The following SKAP1 variants were observed in gnomAD, a reference collection of about 807,000 sequenced individuals.
SKAP1 encodes the protein src kinase associated phosphoprotein 1.
Under a neutral mutation model 58.5 loss-of-function variants are expected in SKAP1, and 44 were observed. The observed-to-expected ratio is 0.75, with a 90% confidence interval of 0.59 to 0.97. SKAP1 has a LOEUF of 0.97. SKAP1 is among the 50% of genes least tolerant of loss of function. The pLI is 0.00. For synonymous variants in SKAP1, 127 were observed against 149.7 expected, an observed-to-expected ratio of 0.85 and a Z score of 1.11; for missense variants, 390 against 435.2, an observed-to-expected ratio of 0.90 and a Z score of 0.92.
intron 11 of SKAP1, among the ~76,000 whole-genome samples, chr17:48,147,643 C>T (rs754706527): frequency 3.9e-5 from 6 of 152,014 alleles, no homozygotes; most frequent in Non-Finnish European, 7.4e-5. Context: ...GTTGGGTGGC[C>T]GGTGGGTTAG....
At chr17:48,293,133 G>A (rs1415334589) in intron 4 of SKAP1, among the ~76,000 whole-genome samples, 1 of 152,114 alleles carries the variant, frequency 6.6e-6, no homozygotes, top group Non-Finnish European at 1.5e-5. Flanking sequence ...ATTAATATCT[G>A]TAATCCTTAA....
At chr17:48,360,707 T>C (rs2066924863) in intron 3 of SKAP1, among the ~76,000 whole-genome samples, 2 of 152,218 alleles carry the variant, frequency 1.3e-5, no homozygotes, top group Non-Finnish European at 1.5e-5. Context: ...TAATGTATTC[T>C]TTGGATCATG....
chr17:48,153,701 A>C (rs2063932474), intron 11 of SKAP1, among the ~76,000 whole-genome samples: 1 of 151,894 alleles, frequency 6.6e-6, no homozygotes, highest in Non-Finnish European at 1.5e-5. Flanking sequence ...ACAGGCATTG[A>C]TCAGTTTCAT....
At chr17:48,227,861 T>C (rs1353454181) in intron 4 of SKAP1, among the ~76,000 whole-genome samples, 2 of 152,192 alleles carry the variant, frequency 1.3e-5, no homozygotes, top group Non-Finnish European at 2.9e-5. Flanking sequence ...TTTTATCTTA[T>C]AAGGTTGTTA....
chr17:48,441,844 T>G, the SKAP1 span, among the ~76,000 whole-genome samples: 5 of 152,186 alleles, frequency 3.3e-5, no homozygotes, highest in African/African-American at 1.2e-4. Context: ...ATTAAAGGAC[T>G]CAGTTTCCCA....
chr17:48,320,419 TA>T (rs1191651536), intron 4 of SKAP1, among the ~76,000 whole-genome samples: 1 of 152,180 alleles, frequency 6.6e-6, no homozygotes, highest in Non-Finnish European at 1.5e-5. Context: ...TAAAAACCTA[TA>T]ACATAGTAGA....
At chr17:48,250,613 A>T (rs368525444) in intron 4 of SKAP1, among the ~76,000 whole-genome samples, 57 of 152,000 alleles carry the variant, frequency 3.8e-4, no homozygotes, top group African/African-American at 1.4e-3. Flanking sequence ...CCCTTTCATC[A>T]GTCGAAAGGT....
intron 2 of SKAP1, among the ~76,000 whole-genome samples, chr17:48,395,910 G>A (rs555659812): frequency 2.8e-4 from 43 of 152,208 alleles, no homozygotes; most frequent in Non-Finnish European, 1.5e-4. Context: ...TGTCAGCCAC[G>A]CAAATTAAAT....
intron 4 of SKAP1, among the ~76,000 whole-genome samples, chr17:48,322,638 G>C (rs1947502197): frequency 6.6e-6 from 1 of 152,322 alleles, no homozygotes; most frequent in East Asian, 1.9e-4. Context: ...GAAGGGCAAA[G>C]GGCTTTCTCA....
chr17:48,316,503 T>A (rs1000452576), intron 4 of SKAP1, among the ~76,000 whole-genome samples: 12 of 152,192 alleles, frequency 7.9e-5, no homozygotes, highest in African/African-American at 2.7e-4. Context: ...TTAGTCATTC[T>A]CTCTCTGCCT....
intron 4 of SKAP1, among the ~76,000 whole-genome samples, chr17:48,214,720 G>A (rs1479403840): frequency 6.6e-6 from 1 of 151,080 alleles, no homozygotes; most frequent in Non-Finnish European, 1.5e-5. Context: ...TCAGGAGTTC[G>A]AGACCAGCCT....
intron 4 of SKAP1, among the ~76,000 whole-genome samples, chr17:48,314,100 T>C (rs886777223): frequency 1.3e-5 from 2 of 152,206 alleles, no homozygotes; most frequent in Non-Finnish European, 1.5e-5. Context: ...GTTTTCATTA[T>C]CTTGTCTTAG....
chr17:48,378,419 C>T (rs1223062806), intron 2 of SKAP1, among the ~76,000 whole-genome samples: 4 of 152,230 alleles, frequency 2.6e-5, no homozygotes, highest in East Asian at 1.9e-4. Flanking sequence ...AGGTAATGCA[C>T]GTAAAGAACC....
chr17:48,147,363 T>C (rs2063844313), intron 11 of SKAP1, among the ~76,000 whole-genome samples: 1 of 152,228 alleles, frequency 6.6e-6, no homozygotes, highest in South Asian at 2.1e-4. Context: ...CAGAGTAACT[T>C]GTACTATTCC....
chr17:48,145,193 A>G (rs938652310), intron 11 of SKAP1, among the ~76,000 whole-genome samples: 2 of 152,132 alleles, frequency 1.3e-5, no homozygotes, highest in African/African-American at 4.8e-5. Context: ...GCTTCTCTCA[A>G]TACCAACCTT....
chr17:48,293,498 T>C (rs2065924048), intron 4 of SKAP1, among the ~76,000 whole-genome samples: 1 of 152,210 alleles, frequency 6.6e-6, no homozygotes, highest in South Asian at 2.1e-4. Flanking sequence ...TTCCCTTAGT[T>C]TACTTAAGAT....
intron 4 of SKAP1, among the ~76,000 whole-genome samples, chr17:48,274,667 G>GC (rs1342917801): frequency 6.6e-6 from 1 of 151,518 alleles, no homozygotes; most frequent in Non-Finnish European, 1.5e-5. Context: ...TTGCACTCCA[G>GC]CCCGGGCAAC....
intron 2 of SKAP1, among the ~76,000 whole-genome samples, chr17:48,395,072 A>C (rs2067398414): frequency 6.6e-6 from 1 of 152,178 alleles, no homozygotes; most frequent in Non-Finnish European, 1.5e-5. Context: ...ACCACACACA[A>C]AGTTCTTTGA....
chr17:48,392,875 ATAT>A (rs1277920181), intron 2 of SKAP1, among the ~76,000 whole-genome samples: 82 of 147,824 alleles, frequency 5.5e-4, no homozygotes, highest in African/African-American at 7.1e-4. Flanking sequence ...ATATATATAT[ATAT>A]TTTTTTTTTC....
Sources: allele counts gnomAD v4.1 joint callset (sites outside exome capture counted in the v4.1 genomes callset), GRCh38; gene constraint gnomAD v4.1.1; transcripts MANE v1.5; gene names NCBI Gene and HGNC (gene_info 2026-07-23, HGNC 2026-07-21).